The following FNDC3B variants were observed in gnomAD, a reference collection of about 807,000 sequenced individuals.
FNDC3B encodes fibronectin type III domain-containing protein 3B.
In FNDC3B, 12 loss-of-function variants were observed where a neutral mutation model predicts 151.5. That is an observed-to-expected ratio of 0.08 (90% confidence interval 0.05 to 0.13). The LOEUF (loss-of-function observed/expected upper bound fraction) is 0.13. Among genes scored for constraint, FNDC3B ranks in the 10% least tolerant of loss-of-function variants. The pLI is 1.00. For missense variants in FNDC3B, 1,214 were observed against 1,505.3 expected, an observed-to-expected ratio of 0.81 and a Z score of 3.20; for synonymous variants, 528 against 549.0, an observed-to-expected ratio of 0.96 and a Z score of 0.54.
rs1736574992 is a variant in FNDC3B at position 172,401,559 on chromosome 3, G to A, written c.*4084G>A. The A allele has an allele frequency of 6.6e-6, 1 of 152,150 alleles. No homozygotes were observed. The highest frequency in any genetic ancestry group is 1.5e-5 in the Non-Finnish European group (1 of 68,086). The allele number at this position is 152,150 out of a possible 1,614,324, so 9.4% of individuals were successfully genotyped here. On this transcript the variant is annotated 3_prime_UTR_variant, in exon 26 of 26. Transcript: ENST00000415807. ...CTCCCTCTGTTCACCTGGCACACTG[G>A]GTGCTTCCTCTCCCCTGACGAACTC...
intron 1 of FNDC3B, among the ~76,000 whole-genome samples, chr3:172,043,901 G>A (rs1716224277): frequency 6.6e-6 from 1 of 152,150 alleles, no homozygotes; most frequent in Non-Finnish European, 1.5e-5. Context: ...AATATGAAAA[G>A]TCACTAATAG....
chr3:172,046,012 T>A (rs1448454732), intron 1 of FNDC3B, among the ~76,000 whole-genome samples: 2 of 151,950 alleles, frequency 1.3e-5, no homozygotes, highest in African/African-American at 4.8e-5. Context: ...GAGGGGAGTT[T>A]GTTTGTGGTG....
chr3:172,187,454 T>C (rs1054391225), intron 3 of FNDC3B, among the ~76,000 whole-genome samples: 1 of 152,194 alleles, frequency 6.6e-6, no homozygotes, highest in Non-Finnish European at 1.5e-5. Flanking sequence ...CTTGGCCACT[T>C]GGTAAATACT....
chr3:172,296,448 T>G (rs1002049982), intron 8 of FNDC3B, among the ~76,000 whole-genome samples: 3 of 152,168 alleles, frequency 2.0e-5, no homozygotes, highest in African/African-American at 7.2e-5. Flanking sequence ...GTCCTCCTCT[T>G]GCTACCCAGG....
intron 6 of FNDC3B, among the ~76,000 whole-genome samples, chr3:172,263,677 G>T (rs1728776731): frequency 7.4e-6 from 1 of 134,530 alleles, no homozygotes. Flanking sequence ...TGGCTCCAAT[G>T]TACTTGTAGA....
At chr3:172,057,751 TTCAGTGCCCCACC>T (rs902029953) in intron 1 of FNDC3B, among the ~76,000 whole-genome samples, 2 of 151,930 alleles carry the variant, frequency 1.3e-5, no homozygotes, top group Non-Finnish European at 2.9e-5. Flanking sequence ...GGTCAGTTTC[TTCAGTGCCCCACC>T]TCAGTGCATG....
chr3:172,263,586 G>GTTT lies in FNDC3B; in HGVS notation c.790+12068_790+12070dup, dbSNP rs35762662. On this transcript the variant is annotated intron_variant, in intron 6 of 25. Coordinates refer to ENST00000415807, the MANE Select transcript of FNDC3B (RefSeq NM_022763.4). ...TGCCTTAATTATTCAGCTATCAAGT[G>GTTT]TTTTTTTTTTTTTTTTTTTTTTTTT... Among the ~76,000 whole-genome samples the GTTT allele has an allele frequency of 8.3e-3, 850 of 101,990 alleles. 6 individuals carry two copies. The highest frequency in any genetic ancestry group is 0.045 in the East Asian group (116 of 2,582). The allele number at this position is 101,990 out of a possible 152,430, so 66.9% of individuals were successfully genotyped here.
rs1004434417 is a variant in FNDC3B at position 172,303,089 on chromosome 3, T to C, written c.1062-4274T>C. 7.2e-5 allele frequency: 11 copies of C among 152,280 alleles called. No individual in the cohort carries two copies. The East Asian group carries it at 1.9e-3, about 27-fold the overall frequency. The allele number at this position is 152,280 out of a possible 1,614,324, so 9.4% of individuals were successfully genotyped here. ...ATACATTTATTTGTACAAATAAATA[T>C]GTATACATACACAAATGTATGCTGT... On this transcript the variant is annotated intron_variant, in intron 9 of 25. Coordinates refer to ENST00000415807, the MANE Select transcript of FNDC3B (RefSeq NM_022763.4).
At chr3:172,162,275 G>A (rs190796422) in intron 3 of FNDC3B, among the ~76,000 whole-genome samples, 3 of 152,124 alleles carry the variant, frequency 2.0e-5, no homozygotes, top group African/African-American at 7.2e-5. Flanking sequence ...CACCGCGCCC[G>A]GCCTCTTAGC....
In FNDC3B at chr3:172,251,495, G is replaced by A. The variant is rs1434446851; in HGVS notation, c.744G>A (p.Glu248=). The part of the protein sequence containing the change: ...SGSGPGIKKT[E]RRARSSPKSN... ...GTGGTCCCGGAATTAAGAAAACAGA[G>A]CGACGAGCAAGAAGCAGCCCAAAGT... Residue 248 remains glutamate (E), a synonymous_variant, in exon 6 of 26, where the codon GAG becomes GAA. Transcript: ENST00000415807. The A allele has an allele frequency of 2.5e-6, 4 of 1,613,892 alleles. No homozygotes were observed. The highest frequency in any genetic ancestry group is 3.3e-5 in the Admixed American group (2 of 59,992).
intron 1 of FNDC3B, among the ~76,000 whole-genome samples, chr3:172,046,534 G>T (rs1415740285): frequency 1.3e-5 from 2 of 151,882 alleles, no homozygotes; most frequent in African/African-American, 4.8e-5. Flanking sequence ...TGTGGCTCAG[G>T]CTGGTCTCTA....
At chr3:172,335,377 C>T (rs73167279) in intron 15 of FNDC3B, 7,022 of 219,428 alleles carry the variant, frequency 0.032, 156 homozygotes, top group Middle Eastern at 0.042. Context: ...ATTTTTTTCT[C>T]CTATATTTTT....
At chr3:172,221,099 G>A (rs1726255109) in intron 3 of FNDC3B, among the ~76,000 whole-genome samples, 2 of 152,156 alleles carry the variant, frequency 1.3e-5, no homozygotes, top group Admixed American at 6.5e-5. Flanking sequence ...CATTCCTGGT[G>A]TGTAGAAACA....
chr3:172,237,269 C>T (rs988386673), intron 4 of FNDC3B: 12 of 152,242 alleles, frequency 7.9e-5, no homozygotes, highest in African/African-American at 2.7e-4. Flanking sequence ...CTTCTCCCCT[C>T]AGTCTGTACC....
chr3:172,209,297 G>A (rs899911565), intron 3 of FNDC3B, among the ~76,000 whole-genome samples: 1 of 152,166 alleles, frequency 6.6e-6, no homozygotes, highest in African/African-American at 2.4e-5. Context: ...TTTAGCTGCC[G>A]CCCACAGCTG....
chr3:172,251,744 A>G (rs1002736040), intron 6 of FNDC3B, among the ~76,000 whole-genome samples: 1 of 152,222 alleles, frequency 6.6e-6, no homozygotes, highest in African/African-American at 2.4e-5. Context: ...TCATGGCAGA[A>G]ATACTACATT....
At chr3:172,284,712 C>T (rs1314098846) in intron 6 of FNDC3B, among the ~76,000 whole-genome samples, 1 of 148,878 alleles carries the variant, frequency 6.7e-6, no homozygotes, top group Non-Finnish European at 1.5e-5. Flanking sequence ...ATGCTGGTTC[C>T]TGGAAGACTA....
chr3:172,289,644 T>A (rs1348295349), intron 7 of FNDC3B, among the ~76,000 whole-genome samples: 1 of 152,248 alleles, frequency 6.6e-6, no homozygotes, highest in Non-Finnish European at 1.5e-5. Flanking sequence ...TACCTAGCAC[T>A]GTCCTTGGGA....
intron 3 of FNDC3B, among the ~76,000 whole-genome samples, chr3:172,138,060 T>A (rs1721459274): frequency 6.6e-6 from 1 of 152,234 alleles, no homozygotes; most frequent in Non-Finnish European, 1.5e-5. Flanking sequence ...TGTCTACACA[T>A]GCCATCTCTT....
Sources: gnomAD v4.1 joint callset for allele counts (sites outside exome capture counted in the v4.1 genomes callset) on GRCh38, gnomAD v4.1.1 for gene constraint, MANE v1.5 for transcripts, NCBI Gene and HGNC (gene_info 2026-07-23, HGNC 2026-07-21) for gene names.